Variants in ZNF410 observed in about 807,000 individuals in gnomAD.
ZNF410 encodes the protein zinc finger protein 410, also known as another partner for ARF 1.
In ZNF410, 18 loss-of-function variants were observed where a neutral mutation model predicts 54.8. The observed-to-expected ratio is 0.33, with a 90% CI of 0.23 to 0.49. The LOEUF (loss-of-function observed/expected upper bound fraction) is 0.49, where lower values mean the gene tolerates loss of function less well. ZNF410 is among the 20% of genes least tolerant of loss of function. ZNF410 has a pLI of 0.99. For missense variants in ZNF410, 405 were observed against 569.6 expected (o/e 0.71, Z 2.94); for synonymous variants, 191 against 207.3 (o/e 0.92, Z 0.68).
chr14:73,909,238 A>ACTAC (rs1398578153), intron 7 of ZNF410, 103 bp from the exon 8 acceptor site: 1 of 914,306 alleles, frequency 1.1e-6, no homozygotes, highest in African/African-American at 1.7e-5. Flanking sequence ...AATAAATCAG[A>ACTAC]GTAGGTAAGT....
At chr14:73,894,298 A>G (rs759194614) in intron 3 of ZNF410, 2 of 698,688 alleles carry the variant, frequency 2.9e-6, no homozygotes, top group African/African-American at 1.8e-5. Flanking sequence ...CATTGTATCA[A>G]ATGCTACTGA....
At chr14:73,905,968 C>CACACATATATAT (rs1461702433) in intron 7 of ZNF410, among the ~76,000 whole-genome samples, 221 of 78,852 alleles carry the variant, frequency 2.8e-3, no homozygotes, top group African/African-American at 8.7e-3. Flanking sequence ...CACACACACA[C>CACACATATATAT]ATATATATAT....
At chr14:73,921,184 T>A in intron 9 of ZNF410, 79 bp downstream of exon 9, 1 of 1,567,198 alleles carries the variant, frequency 6.4e-7, no homozygotes, top group South Asian at 1.2e-5. Context: ...CCTGCTTATC[T>A]GGAAATTTTC....
At chr14:73,892,817 A>G (rs1001615668) in intron 2 of ZNF410, among the ~76,000 whole-genome samples, 2 of 152,210 alleles carry the variant, frequency 1.3e-5, no homozygotes, top group African/African-American at 4.8e-5. Context: ...GCGGTGGCTC[A>G]CGCCTGTAAT....
At chr14:73,904,656 G>A (rs1260971825) in intron 6 of ZNF410, among the ~76,000 whole-genome samples, 1 of 152,084 alleles carries the variant, frequency 6.6e-6, no homozygotes, top group Non-Finnish European at 1.5e-5. Flanking sequence ...ACAGGGTCTC[G>A]CTATGTTGCC....
intron 11 of ZNF410, among the ~76,000 whole-genome samples, chr14:73,925,925 T>C (rs1033904516): frequency 3.3e-5 from 5 of 152,072 alleles, no homozygotes; most frequent in African/African-American, 1.2e-4. Context: ...TCCCAACTAC[T>C]CGGGAGGCTG....
intron 7 of ZNF410, among the ~76,000 whole-genome samples, chr14:73,905,944 TAC>T (rs869151597): frequency 0.013 from 962 of 76,428 alleles, 10 homozygotes; most frequent in Middle Eastern, 0.048. Context: ...TACATATATA[TAC>T]ACACACACAC....
intron 11 of ZNF410, chr14:73,924,846 T>A: frequency 6.0e-6 from 2 of 331,490 alleles, no homozygotes; most frequent in Non-Finnish European, 1.2e-5. Flanking sequence ...CCAGCTAATT[T>A]TTTTGTATTT....
In ZNF410 at chr14:73,904,017, C is replaced by T. The variant is rs759607124; in HGVS notation, c.638C>T (p.Pro213Leu). Residue 213 changes from proline to leucine, a missense_variant, in exon 6 of 12, where the codon CCT becomes CTT. Physicochemically the swap from Pro to Leu is moderately conservative, Grantham distance 98 (BLOSUM62 -3). Transcript: ENST00000555044. ...DGQSKDSGPL[P>L]QVEKKLKCTV... is the part of the protein sequence containing the mutation. The stretch of plus-strand genomic sequence containing the variant: ...CAGTCAAAAGATTCTGGGCCCCTTC[C>T]TCAAGTGGAAAAGAAGCTCAAGTGT... The T allele has an allele frequency of 6.2e-7, 1 of 1,614,150 alleles. No homozygotes were observed. Among genetic ancestry groups the T allele is most frequent in the Non-Finnish European group, 8.5e-7 (1 of 1,180,028 alleles).
chr14:73,895,902 C>T (rs1443634471), intron 3 of ZNF410, among the ~76,000 whole-genome samples: 1 of 152,144 alleles, frequency 6.6e-6, no homozygotes, highest in Admixed American at 6.5e-5. Flanking sequence ...AGCTTTTGCA[C>T]CAACCTAATA....
intron 7 of ZNF410, chr14:73,906,553 TCACTG>T (rs2055493890): frequency 6.6e-6 from 1 of 152,256 alleles, no homozygotes; most frequent in African/African-American, 2.4e-5. Flanking sequence ...CGATCTCAGC[TCACTG>T]CAACCTCTGC....
At chr14:73,924,675 TTTC>T (rs2055802385) in intron 11 of ZNF410, 1 of 446,842 alleles carries the variant, frequency 2.2e-6, no homozygotes, top group Admixed American at 2.5e-5. Flanking sequence ...TTTCTCCTCT[TTTC>T]TTTTCTTTTT....
chr14:73,888,793 T>C (rs910281848), intron 1 of ZNF410, among the ~76,000 whole-genome samples: 3 of 152,222 alleles, frequency 2.0e-5, no homozygotes, highest in Non-Finnish European at 4.4e-5. Context: ...CACAGTACAC[T>C]TGATAAGATA....
chr14:73,891,944 G>A, intron 1 of ZNF410, 83 bp from the exon 2 acceptor site: 1 of 615,762 alleles, frequency 1.6e-6, no homozygotes, highest in South Asian at 1.8e-5. Flanking sequence ...GATTTTTTTT[G>A]TATATGTAAA....
intron 8 of ZNF410, chr14:73,913,058 T>C (rs537515788): frequency 6.6e-6 from 1 of 152,284 alleles, no homozygotes; most frequent in African/African-American, 2.4e-5. Context: ...CATTTTTTTT[T>C]TTCTTTTCTG....
chr14:73,890,556 T>TA (rs1402105930), intron 1 of ZNF410, among the ~76,000 whole-genome samples: 4 of 152,168 alleles, frequency 2.6e-5, no homozygotes, highest in Non-Finnish European at 4.4e-5. Context: ...TTGGAAACTT[T>TA]AAAGTACCCA....
intron 8 of ZNF410, among the ~76,000 whole-genome samples, chr14:73,918,547 A>G (rs1400223321): frequency 1.3e-5 from 2 of 151,954 alleles, no homozygotes; most frequent in Non-Finnish European, 2.9e-5. Context: ...AAGGATCCCC[A>G]TATCCAGGAG....
chr14:73,925,294 T>A, intron 11 of ZNF410, among the ~76,000 whole-genome samples: 1 of 152,216 alleles, frequency 6.6e-6, no homozygotes. Context: ...TCCATTTTTC[T>A]TGTCTTCATT....
At chr14:73,911,276 A>G (rs1449157376) in intron 8 of ZNF410, among the ~76,000 whole-genome samples, 1 of 152,148 alleles carries the variant, frequency 6.6e-6, no homozygotes, top group East Asian at 1.9e-4. Context: ...CTCAAGGAGG[A>G]GAGGGATTCT....
Sources: gnomAD v4.1 joint callset for allele counts (sites outside exome capture counted in the v4.1 genomes callset) on GRCh38, gnomAD v4.1.1 for gene constraint, MANE v1.5 for transcripts, NCBI Gene and HGNC (gene_info 2026-07-23, HGNC 2026-07-21) for gene names.